The following SEMA3A variants were observed in gnomAD, a reference collection of about 807,000 sequenced individuals.
SEMA3A encodes the protein semaphorin 3A, also known as semaphorin-3A.
In SEMA3A, 29 loss-of-function variants were observed where a neutral mutation model predicts 97.9. The observed-to-expected ratio is 0.30, with a 90% CI of 0.22 to 0.40. The LOEUF (loss-of-function observed/expected upper bound fraction) is 0.40, where lower values mean the gene tolerates loss of function less well. Ranked by LOEUF, SEMA3A falls within the 10% of genes least tolerant of loss-of-function variation. The probability of loss-of-function intolerance (pLI) is 1.00; values close to 1 mark genes in which losing one functional copy is unlikely to be tolerated. For synonymous variants in SEMA3A, 321 were observed against 323.7 expected (o/e 0.99, Z 0.09); for missense variants, 763 against 951.3 (o/e 0.80, Z 2.60).
chr7:84,190,187 A>T (rs1056650550), intron 1 of SEMA3A, among the ~76,000 whole-genome samples: 4 of 151,744 alleles, frequency 2.6e-5, no homozygotes, highest in African/African-American at 9.7e-5. Context: ...TCTGGTTGTC[A>T]GCTTTAAGCA....
At chr7:84,463,889 T>G (rs1805927241) in intron 1 of SEMA3A, among the ~76,000 whole-genome samples, 1 of 152,154 alleles carries the variant, frequency 6.6e-6, no homozygotes, top group Admixed American at 6.5e-5. Flanking sequence ...TCTATATATT[T>G]TGTATGCCAC....
chr7:84,386,673 A>G (rs944465936), intron 1 of SEMA3A, among the ~76,000 whole-genome samples: 1 of 152,296 alleles, frequency 6.6e-6, no homozygotes, highest in African/African-American at 2.4e-5. Context: ...AACACTATCA[A>G]ATAAAAAACA....
At chr7:84,320,583 G>A (rs1238235478) in intron 2 of SEMA3A, among the ~76,000 whole-genome samples, 1 of 152,012 alleles carries the variant, frequency 6.6e-6, no homozygotes, top group African/African-American at 2.4e-5. Flanking sequence ...CAAAATAAAC[G>A]AACAGTTTAA....
Position 84,486,637 on chromosome 7 carries a change from C to A in SEMA3A, c.-246+5823G>T, listed in dbSNP as rs117815245. 1.2e-3 allele frequency among the ~76,000 whole-genome samples: 178 copies of A among 152,252 alleles called. 1 individual carries two copies. The highest frequency in any genetic ancestry group is 2.3e-3 in the Non-Finnish European group (154 of 68,014). The stretch of plus-strand genomic sequence containing the variant: ...AATGTTGCATGATGGATACTCTGTA[C>A]ATTTTGAAAACAAGGCAGTGATTGT... On this transcript the variant is annotated intron_variant, in intron 1 of 3. Transcript: ENST00000424555.
chr7:84,124,186 C>T (rs1238800342), intron 3 of SEMA3A, among the ~76,000 whole-genome samples: 15 of 152,098 alleles, frequency 9.9e-5, no homozygotes, highest in Admixed American at 9.8e-4. Context: ...TAAGATTAGC[C>T]AGTGTCTTGA....
At chr7:84,030,074 G>C (rs901461165) in intron 6 of SEMA3A, among the ~76,000 whole-genome samples, 3 of 152,072 alleles carry the variant, frequency 2.0e-5, no homozygotes, top group African/African-American at 4.8e-5. Context: ...TCATGTTCAA[G>C]AAGTAATTAA....
At chr7:84,175,647 T>C (rs1797538789) in intron 1 of SEMA3A, among the ~76,000 whole-genome samples, 1 of 152,222 alleles carries the variant, frequency 6.6e-6, no homozygotes, top group African/African-American at 2.4e-5. Context: ...CATCTGGATG[T>C]CTGGAAGGTA....
intron 1 of SEMA3A, among the ~76,000 whole-genome samples, chr7:84,136,714 C>A (rs933481644): frequency 6.6e-6 from 1 of 152,020 alleles, no homozygotes. Context: ...GCTCATCATG[C>A]CTAACTCACA....
intron 5 of SEMA3A, 134 bp downstream of exon 5, chr7:84,060,331 G>C (rs1793162301): frequency 8.0e-6 from 5 of 621,314 alleles, no homozygotes; most frequent in Non-Finnish European, 1.4e-5. Flanking sequence ...TCAAACATTT[G>C]AATATATCAC....
intron 1 of SEMA3A, among the ~76,000 whole-genome samples, chr7:84,169,157 T>G (rs1380391024): frequency 6.6e-6 from 1 of 151,584 alleles, no homozygotes; most frequent in African/African-American, 2.4e-5. Flanking sequence ...CTATTGTAAA[T>G]TATAAATATT....
chr7:84,269,787 C>T (rs570749316), intron 3 of SEMA3A, among the ~76,000 whole-genome samples: 6 of 151,950 alleles, frequency 3.9e-5, no homozygotes, highest in South Asian at 2.1e-4. Context: ...TTTACCTATG[C>T]GACATAGATT....
chr7:84,117,491 C>T (rs1282274987), intron 3 of SEMA3A, among the ~76,000 whole-genome samples: 7 of 152,172 alleles, frequency 4.6e-5, no homozygotes, highest in Non-Finnish European at 1.0e-4. Flanking sequence ...ACAGGCTGCA[C>T]AGCAGGAGGT....
At chr7:84,382,018 A>G (rs1312640133) in intron 1 of SEMA3A, among the ~76,000 whole-genome samples, 1 of 152,194 alleles carries the variant, frequency 6.6e-6, no homozygotes, top group African/African-American at 2.4e-5. Context: ...GAGGCAATCA[A>G]GATTATGACA....
chr7:84,160,995 A>G (rs1797013696), intron 1 of SEMA3A, among the ~76,000 whole-genome samples: 1 of 152,214 alleles, frequency 6.6e-6, no homozygotes, highest in African/African-American at 2.4e-5. Flanking sequence ...GTGAGCCTCA[A>G]CAGGCATGGT....
intron 5 of SEMA3A, among the ~76,000 whole-genome samples, chr7:84,054,070 G>T (rs1420530787): frequency 1.3e-5 from 2 of 151,738 alleles, no homozygotes; most frequent in Non-Finnish European, 3.0e-5. Flanking sequence ...TAGGGTTTCT[G>T]CTGAGAGATC....
chr7:84,208,149 A>G (rs866603005), intron 3 of SEMA3A, among the ~76,000 whole-genome samples: 9 of 152,110 alleles, frequency 5.9e-5, no homozygotes, highest in African/African-American at 2.2e-4. Context: ...TTATATACTA[A>G]AATGTTAAGA....
intron 4 of SEMA3A, among the ~76,000 whole-genome samples, chr7:84,096,857 TTAGA>T (rs144998953): frequency 0.18 from 28,096 of 151,976 alleles, 2,599 homozygotes; most frequent in South Asian, 0.22. Flanking sequence ...TCCCATTCTG[TTAGA>T]TAAATTATTA....
At chr7:83,978,391 G>A (rs1389619273) in intron 14 of SEMA3A, among the ~76,000 whole-genome samples, 7 of 152,162 alleles carry the variant, frequency 4.6e-5, no homozygotes, top group African/African-American at 1.7e-4. Context: ...GGTTGCCTGG[G>A]AAGGAGGAGG....
chr7:84,358,701 G>A (rs1802634119), intron 2 of SEMA3A, among the ~76,000 whole-genome samples: 2 of 152,142 alleles, frequency 1.3e-5, no homozygotes, highest in South Asian at 4.2e-4. Flanking sequence ...GATGGGGATG[G>A]CATTGAATCT....
Sources: gnomAD v4.1 joint callset for allele counts (sites outside exome capture counted in the v4.1 genomes callset) on GRCh38, gnomAD v4.1.1 for gene constraint, MANE v1.5 for transcripts, NCBI Gene and HGNC (gene_info 2026-07-23, HGNC 2026-07-21) for gene names.